The following DKK2 variants were observed in gnomAD, a reference collection of about 807,000 sequenced individuals.
DKK2 encodes dickkopf-related protein 2.
DKK2 carries 11 observed loss-of-function variants against 28.1 expected under a neutral mutation model. The observed-to-expected ratio is 0.39, with a 90% CI of 0.25 to 0.65. The LOEUF (loss-of-function observed/expected upper bound fraction) is 0.65, where lower values mean the gene tolerates loss of function less well. DKK2 is among the 30% of genes least tolerant of loss of function. The pLI is 0.47. For synonymous variants in DKK2, 135 were observed against 126.5 expected (o/e 1.07, Z -0.45); for missense variants, 326 against 335.5 (o/e 0.97, Z 0.22).
At chr4:106,969,368 C>T (rs1195221969) in intron 1 of DKK2, among the ~76,000 whole-genome samples, 1 of 151,754 alleles carries the variant, frequency 6.6e-6, no homozygotes. Context: ...CTGGGATTCT[C>T]TCTGTAGTAC....
intron 1 of DKK2, among the ~76,000 whole-genome samples, chr4:107,002,013 C>A (rs901741734): frequency 2.0e-5 from 3 of 152,140 alleles, no homozygotes; most frequent in Non-Finnish European, 4.4e-5. Flanking sequence ...ACAAATACAT[C>A]CACCCAATCA....
intron 1 of DKK2, among the ~76,000 whole-genome samples, chr4:106,991,888 T>C (rs1363022936): frequency 6.6e-6 from 1 of 152,186 alleles, no homozygotes; most frequent in African/African-American, 2.4e-5. Context: ...TGACAGTTGA[T>C]TCCCTGATCA....
At chr4:106,971,547 T>A (rs895257471) in intron 1 of DKK2, among the ~76,000 whole-genome samples, 13 of 152,048 alleles carry the variant, frequency 8.5e-5, no homozygotes, top group African/African-American at 2.9e-4. Flanking sequence ...TAAGTGATGC[T>A]TTAAAGTCTT....
rs575194095 is a variant in DKK2 at position 106,967,161 on chromosome 4, C to T, written c.223-41212G>A. Among the ~76,000 whole-genome samples the T allele has an allele frequency of 2.6e-5, 4 of 152,216 alleles. No homozygotes were observed. The East Asian group carries it at 7.7e-4, about 29-fold the overall frequency. On this transcript the variant is annotated intron_variant, in intron 1 of 3. Coordinates refer to ENST00000285311, the MANE Select transcript of DKK2 (RefSeq NM_014421.3). ...GGCCAGGCACCATGTCAGGCACTGG[C>T]TACACAAAGTGGTGGGAGAAGACAA...
chr4:106,993,973 CA>C (rs1723238198), intron 1 of DKK2, among the ~76,000 whole-genome samples: 1 of 152,052 alleles, frequency 6.6e-6, no homozygotes, highest in Non-Finnish European at 1.5e-5. Context: ...CTTCCCCAGC[CA>C]AAATCAAAAC....
chr4:106,996,897 T>C (rs949353831), intron 1 of DKK2, among the ~76,000 whole-genome samples: 1 of 151,958 alleles, frequency 6.6e-6, no homozygotes, highest in African/African-American at 2.4e-5. Flanking sequence ...GAAAATTTCA[T>C]CAACAAGCCT....
chr4:106,923,199 G>T lies in DKK2; in HGVS notation c.*755C>A, dbSNP rs1724373298. On this transcript the variant is annotated 3_prime_UTR_variant, in exon 4 of 4. Transcript: ENST00000285311. ...CACATAGGATAAAGAGAGATATACT[G>T]TCATTCCGTAGAATCTGAAGGAACT... The T allele has an allele frequency of 6.6e-6, 1 of 152,094 alleles. No homozygotes were observed. The highest frequency in any genetic ancestry group is 2.1e-4 in the South Asian group (1 of 4,830). The allele number at this position is 152,094 out of a possible 1,614,324, so 9.4% of individuals were successfully genotyped here.
At chr4:107,019,293 C>A (rs1723657988) in intron 1 of DKK2, among the ~76,000 whole-genome samples, 1 of 151,974 alleles carries the variant, frequency 6.6e-6, no homozygotes, top group Non-Finnish European at 1.5e-5. Context: ...AAATTTTAAT[C>A]AAATAATTCT....
chr4:107,020,109 C>T (rs1000108013), intron 1 of DKK2, among the ~76,000 whole-genome samples: 3 of 151,940 alleles, frequency 2.0e-5, no homozygotes, highest in Non-Finnish European at 4.4e-5. Flanking sequence ...AGGTTCAGGC[C>T]ATCAAATATA....
intron 1 of DKK2, among the ~76,000 whole-genome samples, chr4:106,952,096 C>T (rs1323313285): frequency 1.3e-5 from 2 of 152,250 alleles, no homozygotes; most frequent in East Asian, 1.9e-4. Context: ...TGACATGTGG[C>T]CATCAAACTT....
intron 1 of DKK2, among the ~76,000 whole-genome samples, chr4:107,016,534 A>C (rs574269567): frequency 2.0e-5 from 3 of 152,098 alleles, no homozygotes; most frequent in South Asian, 4.1e-4. Flanking sequence ...TATCCTATTC[A>C]GCCTAATTTA....
chr4:106,934,073 A>G (rs1175115640), intron 1 of DKK2, among the ~76,000 whole-genome samples: 1 of 151,910 alleles, frequency 6.6e-6, no homozygotes, highest in African/African-American at 2.4e-5. Flanking sequence ...ACACACACAC[A>G]CACACACACA....
At position 106,922,910 on chromosome 4, in the gene DKK2, A is replaced by T. The variant is rs979813377; in HGVS notation, c.*1044T>A. The T allele has an allele frequency of 6.6e-6, 1 of 152,134 alleles. No homozygotes were observed. The highest frequency in any genetic ancestry group is 6.6e-5 in the Admixed American group (1 of 15,238). 9.4% of individuals were successfully genotyped at this position (152,134 alleles called of 1,614,324 possible). A position where few individuals can be genotyped will look rare whatever the true frequency, so the allele number is the denominator to read the frequency against. ...AAAAGTTTTCCCAATTTTCTTGCTT[A>T]CTCCAGTGCAGTACAGATCCAGCTC... is the stretch of plus-strand genomic sequence containing the variant. On this transcript the variant is annotated 3_prime_UTR_variant, in exon 4 of 4. Coordinates refer to ENST00000285311, the MANE Select transcript of DKK2 (RefSeq NM_014421.3).
intron 1 of DKK2, among the ~76,000 whole-genome samples, chr4:107,030,267 A>T (rs12500928): frequency 0.066 from 10,022 of 152,086 alleles, 508 homozygotes; most frequent in East Asian, 0.24. Flanking sequence ...AAAATATGTT[A>T]TTCTGCTCTA....
At chr4:106,940,686 A>G (rs1309356863) in intron 1 of DKK2, among the ~76,000 whole-genome samples, 2 of 151,300 alleles carry the variant, frequency 1.3e-5, no homozygotes, top group East Asian at 1.9e-4. Flanking sequence ...ATTATTCACA[A>G]TAGCAAAGAC....
chr4:106,969,720 A>G (rs1722836933), intron 1 of DKK2, among the ~76,000 whole-genome samples: 1 of 152,068 alleles, frequency 6.6e-6, no homozygotes, highest in East Asian at 1.9e-4. Flanking sequence ...GGGACCAAAA[A>G]ACTCTTTGGA....
intron 1 of DKK2, among the ~76,000 whole-genome samples, chr4:106,982,014 A>G (rs1723033323): frequency 6.6e-6 from 1 of 152,152 alleles, no homozygotes; most frequent in South Asian, 2.1e-4. Flanking sequence ...ACTGTCAGCA[A>G]ATTCAACACT....
At chr4:106,942,249 TC>T (rs1724711308) in intron 1 of DKK2, among the ~76,000 whole-genome samples, 1 of 152,018 alleles carries the variant, frequency 6.6e-6, no homozygotes, top group Middle Eastern at 3.2e-3. Context: ...AAGATGTTGG[TC>T]CCCCACACCA....
chr4:106,967,380 T>C (rs1228014761), intron 1 of DKK2, among the ~76,000 whole-genome samples: 1 of 151,690 alleles, frequency 6.6e-6, no homozygotes, highest in Non-Finnish European at 1.5e-5. Context: ...TACCTAGGAG[T>C]TACCTAGTTG....
Sources: gnomAD v4.1 joint callset for allele counts (sites outside exome capture counted in the v4.1 genomes callset) on GRCh38, gnomAD v4.1.1 for gene constraint, MANE v1.5 for transcripts, NCBI Gene and HGNC (gene_info 2026-07-23, HGNC 2026-07-21) for gene names.